Variants in DCT observed in about 807,000 individuals in gnomAD.
DCT encodes the protein L-dopachrome tautomerase.
A neutral mutation model predicts 53.0 loss-of-function variants in DCT; 47 were observed. That is an observed-to-expected ratio of 0.89 (90% CI 0.70 to 1.13). The LOEUF (loss-of-function observed/expected upper bound fraction) is 1.13. Among genes scored for constraint, DCT ranks in the 50% most tolerant of loss-of-function variants. DCT has a pLI of 0.00. For missense variants in DCT, 669 were observed against 637.4 expected (o/e 1.05, Z -0.53); for synonymous variants, 244 against 237.0 (o/e 1.03, Z -0.27).
At chr13:94,443,668 T>G in intron 6 of DCT, 31 bp from the exon 7 acceptor site, 4 of 1,552,346 alleles carry the variant, frequency 2.6e-6, no homozygotes, top group Non-Finnish European at 3.5e-6. Context: ...GCATTTAACA[T>G]AAATCAGTCT....
chr13:94,437,765 T>C lies in DCT; in HGVS notation c.*2133A>G, dbSNP rs184695138. On this transcript the variant is annotated 3_prime_UTR_variant, in exon 8 of 8. Transcript: ENST00000377028. ...AAATGCATTCATAATTGATTTATTG[T>C]AAGGTCAGAAAATGCTAGAAAATTG... is the stretch of plus-strand genomic sequence containing the variant. 3.3e-4 allele frequency: 51 copies of C among 152,340 alleles called. No homozygotes were observed. The highest frequency in any genetic ancestry group is 1.2e-3 in the African/African-American group (49 of 41,584). The allele number at this position is 152,340 out of a possible 1,614,324, so 9.4% of individuals were successfully genotyped here.
At chr13:94,532,205 A>C in the DCT span, among the ~76,000 whole-genome samples, 1 of 152,228 alleles carries the variant, frequency 6.6e-6, no homozygotes, top group Non-Finnish European at 1.5e-5. Flanking sequence ...AAATTAGTTC[A>C]ACCATTGTGG....
At chr13:94,460,282 TTTG>T (rs1434295738) in intron 5 of DCT, 56 bp from the exon 6 acceptor site, 5 of 1,542,792 alleles carry the variant, frequency 3.2e-6, no homozygotes, top group Middle Eastern at 1.7e-4. Flanking sequence ...AGGTCTCTTT[TTTG>T]TTGTTTTCAG....
chr13:94,539,974 T>G, the DCT span, among the ~76,000 whole-genome samples: 2 of 152,190 alleles, frequency 1.3e-5, no homozygotes, highest in South Asian at 4.1e-4. Context: ...CAACAATTAC[T>G]TATGAACAAA....
At chr13:94,498,929 T>C in the DCT span, among the ~76,000 whole-genome samples, 2 of 152,050 alleles carry the variant, frequency 1.3e-5, no homozygotes, top group Middle Eastern at 3.4e-3. Flanking sequence ...AGCTAAAGGA[T>C]TGTAAATGCG....
chr13:94,507,842 C>T, the DCT span, among the ~76,000 whole-genome samples: 2 of 152,308 alleles, frequency 1.3e-5, no homozygotes, highest in Admixed American at 1.3e-4. Context: ...AAGATATTAG[C>T]TCAGTTTTAA....
Position 94,479,538 on chromosome 13 carries a change from T to C in DCT, c.-283A>G. The C allele has an allele frequency of 9.3e-6, 3 of 324,140 alleles. No individual in the cohort carries two copies. Among genetic ancestry groups the C allele is most frequent in the Non-Finnish European group, 1.7e-5 (3 of 176,414 alleles). 20.1% of individuals were successfully genotyped at this position (324,140 alleles called of 1,614,324 possible). On this transcript the variant is annotated 5_prime_UTR_variant, in exon 1 of 8. Coordinates refer to ENST00000377028, the MANE Select transcript of DCT (RefSeq NM_001922.5). ...CAACCAAATTTAATGAGGGTAGCGC[T>C]TCTCACCATCTTCCCCCGTTAAGTC...
the DCT span, among the ~76,000 whole-genome samples, chr13:94,523,305 C>G: frequency 1.3e-5 from 2 of 152,120 alleles, no homozygotes; most frequent in Admixed American, 1.3e-4. Context: ...TAAATCTTGC[C>G]CTTAAGTCAA....
chr13:94,501,289 T>A, the DCT span, among the ~76,000 whole-genome samples: 107 of 152,064 alleles, frequency 7.0e-4, no homozygotes, highest in African/African-American at 2.4e-3. Context: ...ATAAATTAAT[T>A]AATTAAAAAT....
At chr13:94,546,532 C>T in the DCT span, among the ~76,000 whole-genome samples, 1 of 152,124 alleles carries the variant, frequency 6.6e-6, no homozygotes, top group African/African-American at 2.4e-5. This position sits in a 1 kb window ranked among gnomAD's most constrained non-coding sequence, Gnocchi z 4.2. Flanking sequence ...ATCCTTCCCC[C>T]ACCCACACCA....
chr13:94,527,401 G>A, the DCT span, among the ~76,000 whole-genome samples: 1 of 152,174 alleles, frequency 6.6e-6, no homozygotes, highest in Non-Finnish European at 1.5e-5. Context: ...ACCTCAAACA[G>A]GCAGGTGCCC....
chr13:94,543,986 G>C, the DCT span, among the ~76,000 whole-genome samples: 4 of 149,092 alleles, frequency 2.7e-5, no homozygotes, highest in Non-Finnish European at 5.9e-5. Context: ...AGTGAGCCGA[G>C]ATCACGCCAC....
the DCT span, among the ~76,000 whole-genome samples, chr13:94,527,716 A>C: frequency 6.6e-6 from 1 of 152,202 alleles, no homozygotes; most frequent in African/African-American, 2.4e-5. Context: ...TCCAAAAAAC[A>C]GAACACCTCT....
intron 6 of DCT, among the ~76,000 whole-genome samples, chr13:94,455,907 G>A (rs985525785): frequency 6.6e-6 from 1 of 152,168 alleles, no homozygotes; most frequent in Non-Finnish European, 1.5e-5. Context: ...TGAATTGTGT[G>A]TATAAATTGT....
chr13:94,447,783 G>A (rs1273439755), intron 6 of DCT, among the ~76,000 whole-genome samples: 1 of 152,010 alleles, frequency 6.6e-6, no homozygotes, highest in East Asian at 1.9e-4. Flanking sequence ...TGCTGTAAGA[G>A]GCAAATAACT....
the DCT span, among the ~76,000 whole-genome samples, chr13:94,484,802 C>T: frequency 6.6e-6 from 1 of 152,142 alleles, no homozygotes; most frequent in Admixed American, 6.5e-5. Flanking sequence ...TCTGTAAAGG[C>T]CCTATTGCCA....
chr13:94,486,421 G>A, the DCT span, among the ~76,000 whole-genome samples: 1 of 152,172 alleles, frequency 6.6e-6, no homozygotes, highest in Non-Finnish European at 1.5e-5. Flanking sequence ...TCCTCATTCT[G>A]ATGGAGGAGA....
chr13:94,492,417 C>G, the DCT span, among the ~76,000 whole-genome samples: 3 of 152,312 alleles, frequency 2.0e-5, no homozygotes, highest in African/African-American at 7.2e-5. Context: ...ATGGCAGCAG[C>G]TCCTCTTCCT....
chr13:94,524,052 C>T, the DCT span, among the ~76,000 whole-genome samples: 1 of 152,148 alleles, frequency 6.6e-6, no homozygotes, highest in African/African-American at 2.4e-5. Context: ...ATAAAATGAG[C>T]TAATACCTCC....
Sources: allele counts gnomAD v4.1 joint callset (sites outside exome capture counted in the v4.1 genomes callset), GRCh38; gene constraint gnomAD v4.1.1; non-coding constraint Gnocchi (gnomAD v3.1); transcripts MANE v1.5; gene names NCBI Gene and HGNC (gene_info 2026-07-23, HGNC 2026-07-21).